SPRY3: variants seen among roughly 807,000 people sequenced by gnomAD.
SPRY3 encodes protein sprouty homolog 3.
In SPRY3, 15 loss-of-function variants were observed where a neutral mutation model predicts 20.2. The ratio of observed to expected loss-of-function variants is 0.74; its 90% CI spans 0.50 to 1.14. The LOEUF (loss-of-function observed/expected upper bound fraction) is 1.14. SPRY3 is among the 50% of genes most tolerant of loss of function. The pLI, the probability that SPRY3 is intolerant of heterozygous loss-of-function variation, is 0.00. For missense variants in SPRY3, 364 were observed against 363.9 expected (o/e 1.00, Z 0.00); for synonymous variants, 143 against 136.5 (o/e 1.05, Z -0.33).
rs1344402422 is a variant in SPRY3 at position 155,749,958 on chromosome X, T to C, written c.-281-18004T>C. Among the ~76,000 whole-genome samples, 5 of 151,972 alleles carry C rather than the reference T, an allele frequency of 3.3e-5. No homozygotes were observed. The East Asian group carries it at 9.7e-4, about 29-fold the overall frequency. Reference sequence around the variant, plus strand: ...TGAGAGTTATTTAAAGTCATGAGACTGCATGAGATCAGCTAAGGAATGAAT... The same window carrying C: ...TGAGAGTTATTTAAAGTCATGAGACCGCATGAGATCAGCTAAGGAATGAAT... On this transcript the variant is annotated intron_variant, in intron 2 of 3. Coordinates refer to ENST00000675360, the Ensembl canonical transcript of SPRY3.
intron 2 of SPRY3, among the ~76,000 whole-genome samples, chrX:155,705,530 T>C (rs1392413642): frequency 2.0e-5 from 3 of 151,394 alleles, no homozygotes; most frequent in Admixed American, 6.6e-5. Context: ...TCACATTAAG[T>C]GTAAATATTC....
chrX:155,637,530 A>G (rs933083113), intron 1 of SPRY3, among the ~76,000 whole-genome samples: 2 of 110,904 alleles, frequency 1.8e-5, no homozygotes, highest in Non-Finnish European at 3.8e-5. Context: ...GCACTTCCTC[A>G]GATACTCCAC....
At chrX:155,663,390 A>G (rs782282761) in intron 2 of SPRY3, among the ~76,000 whole-genome samples, 3 of 111,853 alleles carry the variant, frequency 2.7e-5, no homozygotes, top group Middle Eastern at 4.6e-3. Context: ...TCTGAAATAT[A>G]AATATACTAC....
rs1340884342 is a variant in SPRY3, at chrX:155,755,120, T to TTGTTTGAGTCCTGGTG, written c.-281-12842_-281-12841insTGTTTGAGTCCTGGTG. ...TGTTGGGTAACAGCAGTGGAAAAAA[T>TTGTTTGAGTCCTGGTG]AAGTAAAAAGTCTAACTGGAGAGTA... On this transcript the variant is annotated intron_variant, in intron 2 of 3. Coordinates refer to ENST00000675360, the Ensembl canonical transcript of SPRY3. Among the ~76,000 whole-genome samples, 1,351 of 142,576 alleles carry TTGTTTGAGTCCTGGTG rather than the reference T, an allele frequency of 9.5e-3. 14 individuals are homozygous for TTGTTTGAGTCCTGGTG. Among genetic ancestry groups the TTGTTTGAGTCCTGGTG allele is most frequent in the African/African-American group, 0.039 (1,277 of 33,144 alleles). 93.5% of individuals were successfully genotyped at this position (142,576 alleles called of 152,430 possible).
intron 1 of SPRY3, among the ~76,000 whole-genome samples, chrX:155,644,787 A>G (rs1291884333): frequency 9.0e-6 from 1 of 110,946 alleles, no homozygotes; most frequent in Non-Finnish European, 1.9e-5. Flanking sequence ...CCAAGAGCCA[A>G]GGCCTAGAAT....
intron 2 of SPRY3, among the ~76,000 whole-genome samples, chrX:155,720,807 A>C (rs1006282074): frequency 6.6e-6 from 1 of 152,190 alleles, no homozygotes; most frequent in African/African-American, 2.4e-5. Context: ...AAGCCTTCCC[A>C]AAAAGGTTGG....
chrX:155,730,707 G>A (rs973270223), intron 2 of SPRY3, among the ~76,000 whole-genome samples: 2 of 152,112 alleles, frequency 1.3e-5, no homozygotes, highest in African/African-American at 4.8e-5. Flanking sequence ...AAATTGGAAA[G>A]GAGGAAGTTA....
chrX:155,716,981 A>ATATATATAT (rs2091027297), intron 2 of SPRY3, among the ~76,000 whole-genome samples: 1 of 63,500 alleles, frequency 1.6e-5, no homozygotes, highest in Non-Finnish European at 2.9e-5. Flanking sequence ...TAAAATACAA[A>ATATATATAT]ATATATATAT....
At chrX:155,719,207 G>A (rs905679073) in intron 2 of SPRY3, among the ~76,000 whole-genome samples, 1 of 152,132 alleles carries the variant, frequency 6.6e-6, no homozygotes, top group Non-Finnish European at 1.5e-5. Flanking sequence ...GTGCTGTCCT[G>A]TTATAGCAGA....
intron 2 of SPRY3, among the ~76,000 whole-genome samples, chrX:155,738,306 T>A (rs1438565132): frequency 6.6e-6 from 1 of 151,902 alleles, no homozygotes; most frequent in Non-Finnish European, 1.5e-5. Context: ...ATAGATAATT[T>A]GTTTCCACAA....
At chrX:155,664,278 GTTAT>G (rs782538753) in intron 2 of SPRY3, among the ~76,000 whole-genome samples, 5 of 110,489 alleles carry the variant, frequency 4.5e-5, no homozygotes, top group Non-Finnish European at 9.5e-5. Flanking sequence ...TTATTCTCAA[GTTAT>G]TCCATACATT....
intron 2 of SPRY3, among the ~76,000 whole-genome samples, chrX:155,713,830 G>T (rs950967061): frequency 6.6e-6 from 1 of 152,036 alleles, no homozygotes; most frequent in Non-Finnish European, 1.5e-5. Flanking sequence ...ATAACTCTTA[G>T]ATTTGCCCTT....
At chrX:155,615,537 T>C (rs2067848486) in intron 1 of SPRY3, among the ~76,000 whole-genome samples, 1 of 112,386 alleles carries the variant, frequency 8.9e-6, no homozygotes, top group Non-Finnish European at 1.9e-5. Flanking sequence ...ATTATAAAAG[T>C]AGTGACTTTT....
chrX:155,623,622 G>A (rs1432260856), intron 1 of SPRY3, among the ~76,000 whole-genome samples: 2 of 111,825 alleles, frequency 1.8e-5, no homozygotes, highest in Non-Finnish European at 3.8e-5. Context: ...TGCTGTTTTT[G>A]TCTTCAGTAG....
intron 2 of SPRY3, among the ~76,000 whole-genome samples, chrX:155,724,677 A>G (rs1466458074): frequency 6.6e-5 from 10 of 152,182 alleles, no homozygotes; most frequent in Admixed American, 4.6e-4. Flanking sequence ...TTGTATCCTG[A>G]GACTTTGCCG....
At chrX:155,765,215 A>C (rs1284392824) in intron 2 of SPRY3, among the ~76,000 whole-genome samples, 1 of 152,164 alleles carries the variant, frequency 6.6e-6, no homozygotes, top group Non-Finnish European at 1.5e-5. Context: ...TAAAAGTTAG[A>C]ACAAAAATCC....
In SPRY3 at chrX:155,774,700, A is replaced by T. The variant is rs765570908; in HGVS notation, c.829A>T (p.Ser277Cys). 8 of 1,613,644 alleles carry T rather than the reference A, an allele frequency of 5.0e-6. No homozygotes were observed. In the Admixed American group the frequency reaches 1.2e-4, roughly 24 times the overall value. The change falls in exon 4 of 4, where the codon AGT becomes TGT. Residue 277 changes from serine to cysteine, a missense_variant. Coordinates refer to ENST00000675360, the Ensembl canonical transcript of SPRY3. ...TGTGTGCAGAAAGATCTCTTCTGGT[A>T]GTGCACCCTTCCCCAAGGCCCAGGA...
intron 2 of SPRY3, among the ~76,000 whole-genome samples, chrX:155,725,422 A>T (rs1249984612): frequency 6.6e-6 from 1 of 152,162 alleles, no homozygotes; most frequent in African/African-American, 2.4e-5. Context: ...CCTCTGGTAG[A>T]ATTCGGCTGT....
At chrX:155,767,301 C>A (rs1403191576) in intron 2 of SPRY3, among the ~76,000 whole-genome samples, 1 of 151,938 alleles carries the variant, frequency 6.6e-6, no homozygotes, top group Admixed American at 6.6e-5. Context: ...ATAACCCATT[C>A]ACAAGACCTC....
Sources: gnomAD v4.1 joint callset for allele counts (sites outside exome capture counted in the v4.1 genomes callset) on GRCh38, gnomAD v4.1.1 for gene constraint, MANE v1.5 for transcripts, NCBI Gene and HGNC (gene_info 2026-07-23, HGNC 2026-07-21) for gene names.